DCLK1: variants seen among roughly 807,000 people sequenced by gnomAD.
DCLK1 encodes serine/threonine-protein kinase DCLK1.
Under a neutral mutation model 86.2 loss-of-function variants are expected in DCLK1, and 16 were observed. The observed-to-expected ratio is 0.19, with a 90% CI of 0.13 to 0.28. DCLK1 has a LOEUF of 0.28. DCLK1 is among the 10% of genes least tolerant of loss of function. The pLI is 1.00. For synonymous variants in DCLK1, 369 were observed against 370.5 expected, an observed-to-expected ratio of 1.00 and a Z score of 0.05; for missense variants, 590 against 940.2, an observed-to-expected ratio of 0.63 and a Z score of 4.87.
chr13:35,933,136 C>T (rs535539914), intron 4 of DCLK1, among the ~76,000 whole-genome samples: 1 of 152,204 alleles, frequency 6.6e-6, no homozygotes, highest in Non-Finnish European at 1.5e-5. Context: ...CCAAAATGAT[C>T]TCCTTTGACT....
Position 36,125,892 on chromosome 13 carries a change from T to C in DCLK1, c.246A>G (p.Arg82=), listed in dbSNP as rs753684309. 20 of 1,614,050 alleles carry C rather than the reference T, an allele frequency of 1.2e-5. No homozygotes were observed. The highest frequency in any genetic ancestry group is 1.7e-5 in the Admixed American group (1 of 59,998). The change falls in exon 2 of 17, where the codon CGA becomes CGG. Residue 82 remains arginine, a synonymous_variant. Transcript: ENST00000360631. ...AATCAGCCAGCAGGGCCTCAAAAGA[T>C]CGGAACCGGTCTGGGGAGATGGCAT... ...IVYAISPDRF[R]SFEALLADLT... is the part of the protein sequence containing the mutation.
chr13:35,795,925 C>CAAAAA (rs36039528), intron 15 of DCLK1, among the ~76,000 whole-genome samples: 8 of 90,108 alleles, frequency 8.9e-5, no homozygotes, highest in South Asian at 4.4e-4. Flanking sequence ...AACTCCATCT[C>CAAAAA]AAAAAAAAAA....
intron 3 of DCLK1, among the ~76,000 whole-genome samples, chr13:36,016,732 C>A (rs573947374): frequency 5.3e-5 from 8 of 152,128 alleles, no homozygotes; most frequent in African/African-American, 1.9e-4. Context: ...GTTCTAGTAG[C>A]CACATTAATA....
At chr13:36,013,279 G>A (rs201687982) in intron 3 of DCLK1, among the ~76,000 whole-genome samples, 7 of 151,600 alleles carry the variant, frequency 4.6e-5, no homozygotes, top group East Asian at 1.9e-4. Flanking sequence ...GAGGAACTGC[G>A]TTCCTTTGGA....
At chr13:35,865,264 T>C (rs1871709682) in intron 5 of DCLK1, among the ~76,000 whole-genome samples, 1 of 152,144 alleles carries the variant, frequency 6.6e-6, no homozygotes, top group African/African-American at 2.4e-5. Context: ...AATTAATGAA[T>C]TTTACTTTTA....
chr13:35,909,902 C>A (rs1874913133), intron 4 of DCLK1, among the ~76,000 whole-genome samples: 2 of 152,140 alleles, frequency 1.3e-5, no homozygotes, highest in Admixed American at 1.3e-4. Flanking sequence ...CAAAAACAGG[C>A]TTGCTTCTAC....
chr13:36,121,726 G>A (rs1477626492), intron 2 of DCLK1, among the ~76,000 whole-genome samples: 1 of 152,148 alleles, frequency 6.6e-6, no homozygotes, highest in African/African-American at 2.4e-5. Flanking sequence ...ACCACTGGGT[G>A]TCATAGAACG....
chr13:35,987,375 A>T (rs1166511693), intron 3 of DCLK1, among the ~76,000 whole-genome samples: 2 of 152,130 alleles, frequency 1.3e-5, no homozygotes, highest in Non-Finnish European at 2.9e-5. Flanking sequence ...GGCAAGGGGG[A>T]GACTTCTGTA....
intron 4 of DCLK1, among the ~76,000 whole-genome samples, chr13:35,896,579 A>T (rs1451786178): frequency 7.5e-6 from 1 of 132,876 alleles, no homozygotes; most frequent in Non-Finnish European, 1.6e-5. Context: ...TGCTGTTAGA[A>T]CTTGATATAT....
rs141246915 is a variant in DCLK1, at chr13:35,932,044, G to A, written c.823+15314C>T. 1.8e-3 allele frequency among the ~76,000 whole-genome samples: 269 copies of A among 152,242 alleles called. 4 individuals are homozygous for A. Among genetic ancestry groups the A allele is most frequent in the African/African-American group, 6.2e-3 (256 of 41,534 alleles). ...TGCCCAGATTAAACATTATTTTGGG[G>A]TGTGTCTGTGAGGATGCTTCTGGGT... On this transcript the variant is annotated intron_variant, in intron 4 of 16. Transcript: ENST00000360631.
intron 6 of DCLK1, among the ~76,000 whole-genome samples, chr13:35,852,861 T>A (rs576619710): frequency 2.6e-5 from 4 of 152,138 alleles, no homozygotes; most frequent in African/African-American, 9.7e-5. Context: ...ACTCTTAATG[T>A]CAACAACTAA....
intron 3 of DCLK1, among the ~76,000 whole-genome samples, chr13:35,997,165 CA>C (rs1436497619): frequency 6.6e-6 from 1 of 152,216 alleles, no homozygotes; most frequent in African/African-American, 2.4e-5. Context: ...CATCCATACA[CA>C]AATGCAAAGC....
chr13:35,968,753 C>T (rs1770044548), intron 3 of DCLK1, among the ~76,000 whole-genome samples: 1 of 151,908 alleles, frequency 6.6e-6, no homozygotes, highest in East Asian at 1.9e-4. Flanking sequence ...GATTCTCAGG[C>T]TTACTTTCTA....
chr13:35,939,741 C>T (rs892331361), intron 4 of DCLK1, among the ~76,000 whole-genome samples: 4 of 152,194 alleles, frequency 2.6e-5, no homozygotes, highest in African/African-American at 4.8e-5. Flanking sequence ...CTAGAATTAA[C>T]ATCTATTGAA....
intron 11 of DCLK1, among the ~76,000 whole-genome samples, chr13:35,816,448 G>A (rs2087268120): frequency 6.6e-6 from 1 of 151,938 alleles, no homozygotes; most frequent in Admixed American, 6.6e-5. Flanking sequence ...ATTCCATATG[G>A]CACCATATTA....
At chr13:36,085,666 A>T (rs1884566400) in intron 3 of DCLK1, among the ~76,000 whole-genome samples, 1 of 152,206 alleles carries the variant, frequency 6.6e-6, no homozygotes, top group Non-Finnish European at 1.5e-5. Context: ...AATAGCTACC[A>T]ACACCCTGAA....
At chr13:35,808,148 T>C (rs9574641) in intron 14 of DCLK1, 76 bp downstream of exon 14, 142,528 of 1,366,194 alleles carry the variant, frequency 0.1, 10,602 homozygotes, top group African/African-American at 0.34. Context: ...TTAGTTTCTT[T>C]GCACACAATG....
intron 4 of DCLK1, among the ~76,000 whole-genome samples, chr13:35,880,484 T>C (rs1248434383): frequency 6.6e-6 from 1 of 152,148 alleles, no homozygotes; most frequent in African/African-American, 2.4e-5. Flanking sequence ...CTATTTTGGA[T>C]TGAATGCAAG....
intron 2 of DCLK1, among the ~76,000 whole-genome samples, chr13:36,120,742 A>G (rs1476057862): frequency 6.6e-6 from 1 of 152,206 alleles, no homozygotes; most frequent in Non-Finnish European, 1.5e-5. Flanking sequence ...AATGAAATAC[A>G]AATGCCCTTT....
Sources: allele counts gnomAD v4.1 joint callset (sites outside exome capture counted in the v4.1 genomes callset), GRCh38; gene constraint gnomAD v4.1.1; transcripts MANE v1.5; gene names NCBI Gene and HGNC (gene_info 2026-07-23, HGNC 2026-07-21).